Variants in NUP155 observed in about 807,000 individuals in gnomAD.
NUP155 encodes the protein nucleoporin 155.
A neutral mutation model predicts 180.4 loss-of-function variants in NUP155; 71 were observed. That is an observed-to-expected ratio of 0.39 (90% CI 0.33 to 0.48). The LOEUF (loss-of-function observed/expected upper bound fraction) is 0.48, where lower values mean the gene tolerates loss of function less well. Among genes scored for constraint, NUP155 ranks in the 20% least tolerant of loss-of-function variants. The pLI, the probability that NUP155 is intolerant of heterozygous loss-of-function variation, is 0.91. For missense variants in NUP155, 1,553 were observed against 1,648.9 expected, an observed-to-expected ratio of 0.94 and a Z score of 1.01; for synonymous variants, 582 against 559.5, an observed-to-expected ratio of 1.04 and a Z score of -0.57.
At chr5:37,323,649 T>C (rs1244366209) in intron 20 of NUP155, among the ~76,000 whole-genome samples, 1 of 149,286 alleles carries the variant, frequency 6.7e-6, no homozygotes, top group Non-Finnish European at 1.5e-5. Flanking sequence ...ATTCATATAA[T>C]ATATTTATAT....
At chr5:37,348,453 A>G in intron 9 of NUP155, 52 bp downstream of exon 9, 1 of 1,110,460 alleles carries the variant, frequency 9.0e-7, no homozygotes, top group African/African-American at 1.5e-5. Flanking sequence ...CTACACACAA[A>G]TAGTATAATT....
chr5:37,299,375 TTAC>T, intron 31 of NUP155, 70 bp downstream of exon 31: 1 of 1,561,086 alleles, frequency 6.4e-7, no homozygotes, highest in Non-Finnish European at 8.8e-7. Context: ...ATTATATTAG[TTAC>T]TAGCAGCTTG....
At chr5:37,292,788 A>T (rs1742305751) in intron 34 of NUP155, 91 bp downstream of exon 34, 2 of 793,850 alleles carry the variant, frequency 2.5e-6, no homozygotes, top group African/African-American at 3.4e-5. Flanking sequence ...ATACACAAGA[A>T]TCTTCCCATC....
chr5:37,352,336 C>A (rs987799389), intron 5 of NUP155, among the ~76,000 whole-genome samples: 1 of 151,696 alleles, frequency 6.6e-6, no homozygotes, highest in African/African-American at 2.4e-5. Context: ...CCAGCCCGGG[C>A]GACAGTGCAA....
Position 37,291,703 on chromosome 5 carries a change from C to T in NUP155, c.*197G>A. On this transcript the variant is annotated 3_prime_UTR_variant, in exon 35 of 35. Coordinates refer to ENST00000231498, the MANE Select transcript of NUP155 (RefSeq NM_153485.3). Reference sequence around the variant, plus strand: ...AATCTCATTTCAGTTGTTTTTTCACCCAATTACTAAAAAACAAAATAGTCA... The same window carrying T: ...AATCTCATTTCAGTTGTTTTTTCACTCAATTACTAAAAAACAAAATAGTCA... The T allele has an allele frequency of 1.1e-5, 5 of 457,528 alleles. No individual in the cohort carries two copies. The highest frequency in any genetic ancestry group is 7.6e-5 in the South Asian group (2 of 26,302). The allele number at this position is 457,528 out of a possible 1,614,324, so 28.3% of individuals were successfully genotyped here.
rs892833108 is a variant in NUP155, at chr5:37,307,221, CA to C, written c.2903+75del. 1.5e-5 allele frequency: 19 copies of C among 1,296,482 alleles called. 1 individual carries two copies. In the South Asian group the frequency reaches 2.6e-4, roughly 18 times the overall value. 80.3% of individuals were successfully genotyped at this position (1,296,482 alleles called of 1,614,324 possible). A position where few individuals can be genotyped will look rare whatever the true frequency, so the allele number is the denominator to read the frequency against. Reference sequence around the variant, plus strand: ...TCAAAAAAAAAAAAAAAACATAAAACAAAAAACAAAAAACATTATGCAAAGA... The same window carrying C: ...TCAAAAAAAAAAAAAAAACATAAAACAAAAACAAAAAACATTATGCAAAGA... On this transcript the variant is annotated intron_variant, in intron 25 of 34. Transcript: ENST00000231498.
At chr5:37,361,538 T>TTC in intron 3 of NUP155, among the ~76,000 whole-genome samples, 1 of 152,254 alleles carries the variant, frequency 6.6e-6, no homozygotes, top group African/African-American at 2.4e-5. Flanking sequence ...TCCTCTTACA[T>TTC]CATGCCATTC....
intron 22 of NUP155, among the ~76,000 whole-genome samples, chr5:37,311,525 C>T (rs1743524491): frequency 6.6e-6 from 1 of 151,888 alleles, no homozygotes; most frequent in African/African-American, 2.4e-5. Context: ...ACAAAACCAC[C>T]AACAAAAGCC....
chr5:37,319,580 A>G (rs1744113681), intron 20 of NUP155, among the ~76,000 whole-genome samples: 1 of 152,236 alleles, frequency 6.6e-6, no homozygotes, highest in Admixed American at 6.5e-5. Flanking sequence ...CATATTCAAT[A>G]AGGGCTGAGT....
intron 32 of NUP155, among the ~76,000 whole-genome samples, chr5:37,295,167 C>G (rs1199313036): frequency 2.6e-5 from 4 of 152,186 alleles, no homozygotes; most frequent in Admixed American, 2.6e-4. Flanking sequence ...CTGCCTCAGC[C>G]TGCCGAGTGC....
At chr5:37,356,721 A>T (rs1467867933) in intron 4 of NUP155, among the ~76,000 whole-genome samples, 2 of 152,158 alleles carry the variant, frequency 1.3e-5, no homozygotes, top group Admixed American at 6.5e-5. Context: ...CCCTGATAAG[A>T]GATTTGGCAT....
intron 12 of NUP155, among the ~76,000 whole-genome samples, chr5:37,336,227 T>A (rs1439968221): frequency 6.6e-6 from 1 of 152,162 alleles, no homozygotes; most frequent in African/African-American, 2.4e-5. Flanking sequence ...ACACCTGTAA[T>A]CCCAGCAGTT....
chr5:37,336,334 G>A (rs935852516), intron 12 of NUP155, among the ~76,000 whole-genome samples: 28 of 151,926 alleles, frequency 1.8e-4, no homozygotes, highest in Non-Finnish European at 1.3e-4. Context: ...TTTAAAAATC[G>A]GCTGTACGTG....
In NUP155 at chr5:37,309,146, CA is replaced by C; in HGVS notation, c.2749del (p.Cys917ValfsTer7). The C allele has an allele frequency of 6.2e-7, 1 of 1,613,504 alleles. No individual in the cohort carries two copies. The highest frequency in any genetic ancestry group is 8.5e-7 in the Non-Finnish European group (1 of 1,179,776). ...ISNQVDLSNV[C>X]AQYRQVRFYE... ...TTTCTCACCTTGTCTATACTGAGCA[CA>C]AACATTGGAAAGGTCCACTTGATTG... On this transcript the variant is annotated frameshift_variant, in exon 24 of 35. Transcript: ENST00000231498. LOFTEE classifies it high-confidence loss of function.
chr5:37,356,343 T>A (rs1336861102), intron 4 of NUP155, among the ~76,000 whole-genome samples: 1 of 151,836 alleles, frequency 6.6e-6, no homozygotes, highest in Non-Finnish European at 1.5e-5. Context: ...CTCACTTCCA[T>A]GGGCTATCAG....
At chr5:37,365,711 GAGAAAAAAAAAAAAAA>G (rs1174376145) in intron 1 of NUP155, among the ~76,000 whole-genome samples, 1 of 34,004 alleles carries the variant, frequency 2.9e-5, no homozygotes, top group South Asian at 1.3e-3. Context: ...CTGTCTCGGG[GAGAAAAAAAAAAAAAA>G]AAAAAAAAAA....
intron 13 of NUP155, among the ~76,000 whole-genome samples, 200 bp downstream of exon 13, chr5:37,333,263 G>A (rs1745097189): frequency 6.6e-6 from 1 of 152,080 alleles, no homozygotes; most frequent in South Asian, 2.1e-4. Flanking sequence ...GCTGTGGCAG[G>A]AGAATTGCTT....
chr5:37,354,507 G>T (rs1231136263), intron 4 of NUP155, among the ~76,000 whole-genome samples: 2 of 148,126 alleles, frequency 1.4e-5, no homozygotes, highest in East Asian at 4.0e-4. Context: ...TGCCCAGGCT[G>T]GAGTGCAGTG....
intron 30 of NUP155, chr5:37,301,203 T>G (rs1487278596): frequency 2.2e-6 from 1 of 450,884 alleles, no homozygotes. Context: ...ACAGCTCTCA[T>G]GCGAGGATGA....
Sources: gnomAD v4.1 joint callset for allele counts (sites outside exome capture counted in the v4.1 genomes callset) on GRCh38, gnomAD v4.1.1 for gene constraint, MANE v1.5 for transcripts, NCBI Gene and HGNC (gene_info 2026-07-23, HGNC 2026-07-21) for gene names.